DYNC2I1: variants seen among roughly 807,000 people sequenced by gnomAD.
DYNC2I1 encodes cytoplasmic dynein 2 intermediate chain 1.
DYNC2I1 carries 89 observed loss-of-function variants against 133.4 expected under a neutral mutation model. The observed-to-expected ratio is 0.67, with a 90% CI of 0.56 to 0.80. The LOEUF is 0.80. Among genes scored for constraint, DYNC2I1 ranks in the 30% least tolerant of loss-of-function variants. The pLI, the probability that DYNC2I1 is intolerant of heterozygous loss-of-function variation, is 0.00. For missense variants in DYNC2I1, 1,291 were observed against 1,314.5 expected, an observed-to-expected ratio of 0.98 and a Z score of 0.28; for synonymous variants, 504 against 484.3, an observed-to-expected ratio of 1.04 and a Z score of -0.54.
intron 1 of DYNC2I1, among the ~76,000 whole-genome samples, chr7:158,863,949 G>A (rs924293320): frequency 7.1e-6 from 1 of 140,544 alleles, no homozygotes; most frequent in African/African-American, 2.7e-5. Flanking sequence ...GGTGGGGAGC[G>A]GGACGTCCTT....
chr7:158,883,841 T>A (rs1187426080), intron 5 of DYNC2I1, among the ~76,000 whole-genome samples: 2 of 148,474 alleles, frequency 1.3e-5, no homozygotes, highest in Non-Finnish European at 3.0e-5. Flanking sequence ...TTTTTTTGTA[T>A]TTTTAGTAGA....
At chr7:158,950,309 C>T (rs1382149225), downstream of DYNC2I1, among the ~76,000 whole-genome samples, 1 of 152,220 alleles carries the variant, frequency 6.6e-6, no homozygotes, top group Non-Finnish European at 1.5e-5. Context: ...AAGTGATCTG[C>T]CCACCTTGGC....
chr7:158,859,345 A>G (rs187359667), intron 1 of DYNC2I1, among the ~76,000 whole-genome samples: 24 of 152,162 alleles, frequency 1.6e-4, no homozygotes, highest in Admixed American at 1.5e-3. Context: ...GGCTGATGAG[A>G]TATCTTTGTG....
At chr7:158,845,797 TAAAC>T in the DYNC2I1 span, among the ~76,000 whole-genome samples, 134 of 152,306 alleles carry the variant, frequency 8.8e-4, no homozygotes, top group African/African-American at 3.2e-3. Flanking sequence ...CAAATGCTTG[TAAAC>T]AAACTTGTCA....
Position 158,922,407 on chromosome 7 carries a change from G to A in DYNC2I1, c.1952G>A (p.Arg651Gln), listed in dbSNP as rs780448930. ...NRKVSSLHTS[R>Q]VQRQMVVSVH... ...AAAGTATCCTCCTTGCACACCTCCC[G>A]AGTTCAGAGGCAGATGGTGGTCTCC... The change falls in exon 16 of 25, where the codon CGA becomes CAA. Residue 651 changes from arginine to glutamine, a missense_variant. Transcript: ENST00000407559. The A allele has an allele frequency of 6.8e-6, 11 of 1,613,770 alleles. No homozygotes were observed. Among genetic ancestry groups the A allele is most frequent in the African/African-American group, 4.0e-5 (3 of 74,844 alleles).
chr7:158,848,446 G>C, the DYNC2I1 span, among the ~76,000 whole-genome samples: 18 of 152,288 alleles, frequency 1.2e-4, 1 homozygote, highest in South Asian at 3.7e-3. Flanking sequence ...TCCCCCATGA[G>C]TCTTACTGAT....
chr7:158,955,927 G>A (rs2129490522), intron 4 of DYNC2I1, among the ~76,000 whole-genome samples: 1 of 152,334 alleles, frequency 6.6e-6, no homozygotes, highest in East Asian at 1.9e-4. Context: ...GTCGCCCCAG[G>A]GGTTGGGCGA....
At chr7:158,864,014 C>T (rs1395191994) in intron 1 of DYNC2I1, among the ~76,000 whole-genome samples, 2 of 101,868 alleles carry the variant, frequency 2.0e-5, no homozygotes, top group African/African-American at 7.8e-5. Context: ...TGGGGGAGAG[C>T]GGGACGTCCT....
chr7:158,871,631 G>A, intron 3 of DYNC2I1, 69 bp downstream of exon 3: 5 of 1,303,814 alleles, frequency 3.8e-6, no homozygotes, highest in Non-Finnish European at 4.0e-6. Context: ...CAGGTTGATA[G>A]CTCGCTGCCT....
chr7:158,892,938 CAAA>C (rs35161914), intron 8 of DYNC2I1, among the ~76,000 whole-genome samples: 4 of 105,752 alleles, frequency 3.8e-5, no homozygotes, highest in Admixed American at 1.0e-4. Context: ...AACTCCATCT[CAAA>C]AAAAAAAAAA....
intron 21 of DYNC2I1, among the ~76,000 whole-genome samples, chr7:158,932,925 G>A (rs1029401743): frequency 3.3e-5 from 5 of 152,208 alleles, no homozygotes; most frequent in African/African-American, 4.8e-5. Context: ...GGCACCACTT[G>A]CCAGGCGAGG....
intron 4 of DYNC2I1, among the ~76,000 whole-genome samples, chr7:158,879,249 G>C (rs1405718389): frequency 6.6e-6 from 1 of 152,060 alleles, no homozygotes; most frequent in Non-Finnish European, 1.5e-5. Flanking sequence ...AGGAGTGAAG[G>C]GGGCAGTGGT....
At chr7:158,902,845 G>A in intron 10 of DYNC2I1, 1 of 462,860 alleles carries the variant, frequency 2.2e-6, no homozygotes, top group Non-Finnish European at 3.8e-6. Flanking sequence ...CCAGGCCTTA[G>A]GTTAGCTGAG....
chr7:158,915,419 A>ACCT (rs1848010161), intron 14 of DYNC2I1, among the ~76,000 whole-genome samples: 11 of 129,162 alleles, frequency 8.5e-5, no homozygotes, highest in Non-Finnish European at 8.9e-5. Context: ...TGATTGTGAA[A>ACCT]CGTCGACACG....
At position 158,884,575 on chromosome 7, in the gene DYNC2I1, C is replaced by G. The variant is rs200640475; in HGVS notation, c.891C>G (p.His297Gln). Residue 297 changes from histidine (H) to glutamine (Q), a missense_variant, in exon 6 of 25, where the codon CAC becomes CAG. Physicochemically the swap from His to Gln is conservative, Grantham distance 24 (BLOSUM62 0). Coordinates refer to ENST00000407559, the MANE Select transcript of DYNC2I1 (RefSeq NM_018051.5). ...PRKRESQNGE[H>Q]RNRGASSKRD... ...TTTTTGTTTGATAGAATGGTGAACA[C>G]AGAAATCGAGGTGCAAGCTCAAAAA... is the stretch of plus-strand genomic sequence containing the variant. 3.7e-5 allele frequency: 60 copies of G among 1,612,068 alleles called. No homozygotes were observed. The highest frequency in any genetic ancestry group is 5.1e-5 in the Non-Finnish European group (60 of 1,179,078).
intron 20 of DYNC2I1, among the ~76,000 whole-genome samples, chr7:158,929,131 T>C (rs1344531988): frequency 6.6e-6 from 1 of 152,242 alleles, no homozygotes; most frequent in Non-Finnish European, 1.5e-5. Context: ...GCAACCATGT[T>C]CCAGCCTTGC....
chr7:158,891,526 G>A (rs1845216787), intron 8 of DYNC2I1, among the ~76,000 whole-genome samples, 193 bp downstream of exon 8: 2 of 152,230 alleles, frequency 1.3e-5, no homozygotes, highest in South Asian at 2.1e-4. Flanking sequence ...CCTCGGTCAT[G>A]TTGAAAGCTG....
At chr7:158,872,063 C>T (rs1842937268) in intron 3 of DYNC2I1, among the ~76,000 whole-genome samples, 1 of 152,124 alleles carries the variant, frequency 6.6e-6, no homozygotes, top group African/African-American at 2.4e-5. Flanking sequence ...TACCTGTAAT[C>T]CCAGCACTTT....
At chr7:158,898,152 C>T (rs1335514674) in intron 8 of DYNC2I1, among the ~76,000 whole-genome samples, 3 of 151,998 alleles carry the variant, frequency 2.0e-5, no homozygotes, top group Non-Finnish European at 4.4e-5. Flanking sequence ...GTTTTATGGC[C>T]CAGAATATGG....
Sources: gnomAD v4.1 joint callset for allele counts (sites outside exome capture counted in the v4.1 genomes callset) on GRCh38, gnomAD v4.1.1 for gene constraint, MANE v1.5 for transcripts, NCBI Gene and HGNC (gene_info 2026-07-23, HGNC 2026-07-21) for gene names.